SMCHD1: variants seen among roughly 807,000 people sequenced by gnomAD.
SMCHD1 encodes the protein structural maintenance of chromosomes flexible hinge domain-containing protein 1.
In SMCHD1, 78 loss-of-function variants were observed where a neutral mutation model predicts 254.7. The observed-to-expected ratio is 0.31, with a 90% CI of 0.26 to 0.37. The LOEUF is 0.37. Among genes scored for constraint, SMCHD1 ranks in the 10% least tolerant of loss-of-function variants. The pLI, the probability that SMCHD1 is intolerant of heterozygous loss-of-function variation, is 1.00. For missense variants in SMCHD1, 1,840 were observed against 2,408.1 expected (o/e 0.76, Z 4.94); for synonymous variants, 766 against 794.9 (o/e 0.96, Z 0.61).
In SMCHD1 at chr18:2,776,980, T is replaced by G. The variant is rs575417200; in HGVS notation, c.5367-826T>G. 7.9e-5 allele frequency among the ~76,000 whole-genome samples: 12 copies of G among 152,146 alleles called. No individual in the cohort carries two copies. The East Asian group carries it at 2.1e-3, about 27-fold the overall frequency. On this transcript the variant is annotated intron_variant, in intron 42 of 47. Coordinates refer to ENST00000320876, the MANE Select transcript of SMCHD1 (RefSeq NM_015295.3). ...ACTCACAGGCACAGTCATAGCTCACTGTAGCCTCAAACTTGTGGGCTCAAG... is the reference window on the plus strand; with the variant it reads ...ACTCACAGGCACAGTCATAGCTCACGGTAGCCTCAAACTTGTGGGCTCAAG...
intron 47 of SMCHD1, chr18:2,800,885 C>A (rs1428230232): frequency 6.6e-6 from 1 of 152,048 alleles, no homozygotes; most frequent in African/African-American, 2.4e-5. Flanking sequence ...GATTAAGTTC[C>A]AAAATCAACA....
At position 2,764,382 on chromosome 18, in the gene SMCHD1, C is replaced by A. The variant is rs540206197; in HGVS notation, c.4719+593C>A. ...AATAGAATTGTGCCTTTATAAAAAT[C>A]TTTTCTTGTTCAACATCTCTAATAT... On this transcript the variant is annotated intron_variant, in intron 37 of 47. Coordinates refer to ENST00000320876, the MANE Select transcript of SMCHD1 (RefSeq NM_015295.3). 5.3e-5 allele frequency among the ~76,000 whole-genome samples: 8 copies of A among 152,168 alleles called. 1 individual carries two copies. The South Asian group carries it at 8.3e-4, about 16-fold the overall frequency.
chr18:2,723,731 T>G (rs2074972376), intron 20 of SMCHD1, among the ~76,000 whole-genome samples: 1 of 152,162 alleles, frequency 6.6e-6, no homozygotes, highest in African/African-American at 2.4e-5. Flanking sequence ...TTTTAACCTT[T>G]TCAGAGATTC....
At chr18:2,755,311 T>C (rs2075651809) in intron 34 of SMCHD1, among the ~76,000 whole-genome samples, 1 of 152,060 alleles carries the variant, frequency 6.6e-6, no homozygotes. Flanking sequence ...TAGCTGGGAC[T>C]ATGGGCCCAC....
intron 34 of SMCHD1, among the ~76,000 whole-genome samples, chr18:2,754,005 T>A (rs754111468): frequency 8.5e-5 from 13 of 152,194 alleles, no homozygotes; most frequent in Non-Finnish European, 1.8e-4. Flanking sequence ...GTGCCTTTTT[T>A]GAGTATCTTA....
intron 17 of SMCHD1, among the ~76,000 whole-genome samples, chr18:2,709,608 TC>T (rs1168849612): frequency 6.6e-6 from 1 of 151,972 alleles, no homozygotes; most frequent in African/African-American, 2.4e-5. Flanking sequence ...TGTGGTTTTT[TC>T]CCCCCTTTTT....
chr18:2,705,794 T>C lies in SMCHD1; in HGVS notation c.1943T>C (p.Val648Ala). 1 of 1,589,668 alleles carries C rather than the reference T, an allele frequency of 6.3e-7. No individual in the cohort carries two copies. The highest frequency in any genetic ancestry group is 8.6e-7 in the Non-Finnish European group (1 of 1,163,086). ...GAAGTATATGCTACAGGAGGAGAGGTTCAAATTGCAATGGTAAGACAGCAA... is the reference window on the plus strand; with the variant it reads ...GAAGTATATGCTACAGGAGGAGAGGCTCAAATTGCAATGGTAAGACAGCAA... ...DGEVYATGGEVQIAMEPQALY... is the reference protein window; with the variant it reads ...DGEVYATGGEAQIAMEPQALY... Residue 648 changes from valine to alanine, a missense_variant, in exon 14 of 48, where the codon GTT (valine) becomes GCT (alanine). Val to Ala is a moderately conservative substitution (Grantham distance 64, BLOSUM62 0). This residue lies in a region of SMCHD1 where 498 missense variants were observed against 743.5 expected (regional missense o/e 0.67). Transcript: ENST00000320876.
At chr18:2,661,159 C>G (rs2073240933) in intron 1 of SMCHD1, among the ~76,000 whole-genome samples, 1 of 152,096 alleles carries the variant, frequency 6.6e-6, no homozygotes, top group African/African-American at 2.4e-5. Flanking sequence ...CGGGGAACAT[C>G]ACACACAGGG....
intron 37 of SMCHD1, chr18:2,764,063 G>A (rs948840318): frequency 3.8e-6 from 1 of 263,852 alleles, no homozygotes; most frequent in African/African-American, 2.2e-5. Flanking sequence ...ATGTTTCATT[G>A]AAAAGCTGCC....
At chr18:2,733,892 A>G (rs1289608812) in intron 25 of SMCHD1, among the ~76,000 whole-genome samples, 3 of 152,330 alleles carry the variant, frequency 2.0e-5, no homozygotes, top group East Asian at 3.9e-4. Context: ...GCATTCCTCC[A>G]TGTCTGGAGA....
chr18:2,777,535 T>C lies in SMCHD1; in HGVS notation c.5367-271T>C, dbSNP rs80138147. Among the ~76,000 whole-genome samples the C allele has an allele frequency of 2.6e-4, 40 of 152,340 alleles. 2 individuals are homozygous for C. The East Asian group carries it at 7.1e-3, about 27-fold the overall frequency. ...TGGAACAGAGGCTTCTTTTTTTCTT[T>C]CCTTGTCAAATGAAACTGTTATTTA... On this transcript the variant is annotated intron_variant, in intron 42 of 47. Coordinates refer to ENST00000320876, the MANE Select transcript of SMCHD1 (RefSeq NM_015295.3).
chr18:2,750,433 A>G lies in SMCHD1; in HGVS notation c.4091A>G (p.Asp1364Gly), dbSNP rs1419024915. 1 of 1,611,828 alleles carries G rather than the reference A, an allele frequency of 6.2e-7. No homozygotes were observed. Among genetic ancestry groups the G allele is most frequent in the Non-Finnish European group, 8.5e-7 (1 of 1,178,750 alleles). Residue 1364 changes from aspartate (D) to glycine (G), a missense_variant, in exon 32 of 48, where the codon GAC becomes GGC. Physicochemically the swap from Asp to Gly is moderately conservative, Grantham distance 94. Around this residue, in one of 9 missense-constraint regions of SMCHD1, gnomAD observed 881 missense variants for 1,009.5 expected, o/e 0.87. Coordinates refer to ENST00000320876, the MANE Select transcript of SMCHD1 (RefSeq NM_015295.3). ...GPIIKLMILP[D>G]PEKPVRLNVK... ...ATAATTAAGTTAATGATTCTTCCAG[A>G]CCCAGAAAAACCCGTTCGTCTCAAT...
At chr18:2,678,263 C>T (rs1441657500) in intron 5 of SMCHD1, among the ~76,000 whole-genome samples, 28 of 135,200 alleles carry the variant, frequency 2.1e-4, no homozygotes, top group Non-Finnish European at 3.5e-4. Flanking sequence ...TTCTCTCTCT[C>T]TCTCTCTCTC....
intron 42 of SMCHD1, among the ~76,000 whole-genome samples, chr18:2,777,065 C>CG (rs1568368174): frequency 1.4e-5 from 2 of 146,606 alleles, no homozygotes; most frequent in East Asian, 2.3e-4. Context: ...CACCACCTCC[C>CG]CCCCCCATAC....
intron 17 of SMCHD1, among the ~76,000 whole-genome samples, chr18:2,708,915 T>TAAA (rs2074598322): frequency 2.2e-5 from 2 of 90,464 alleles, no homozygotes; most frequent in African/African-American, 4.2e-5. Context: ...TATAACATAT[T>TAAA]AACATGAAAT....
rs74680128 is a variant in SMCHD1 at position 2,680,176 on chromosome 18, G to T, written c.638+6031G>T. Among the ~76,000 whole-genome samples the T allele has an allele frequency of 8.4e-3, 1,272 of 152,256 alleles. 22 individuals are homozygous for T. Among genetic ancestry groups the T allele is most frequent in the African/African-American group, 0.029 (1,209 of 41,534 alleles). ...AAATAGCCGAGCTTCTTCTGCCACAGTCTCTACCAACTGTTCTTTTTCCTG... is the reference window on the plus strand; with the variant it reads ...AAATAGCCGAGCTTCTTCTGCCACATTCTCTACCAACTGTTCTTTTTCCTG... On this transcript the variant is annotated intron_variant, in intron 5 of 47. Transcript: ENST00000320876.
intron 19 of SMCHD1, among the ~76,000 whole-genome samples, chr18:2,721,273 T>C (rs953762194): frequency 6.6e-5 from 10 of 152,284 alleles, no homozygotes; most frequent in African/African-American, 2.2e-4. Flanking sequence ...ATTACTCTCA[T>C]CTTTTTTCTT....
intron 5 of SMCHD1, among the ~76,000 whole-genome samples, chr18:2,688,033 C>T (rs1248411885): frequency 6.6e-6 from 1 of 152,200 alleles, no homozygotes; most frequent in Non-Finnish European, 1.5e-5. Flanking sequence ...TACCATTATT[C>T]TTCAGACAAT....
intron 45 of SMCHD1, among the ~76,000 whole-genome samples, chr18:2,791,890 A>G (rs1486104781): frequency 6.6e-6 from 1 of 152,148 alleles, no homozygotes; most frequent in Non-Finnish European, 1.5e-5. Context: ...GCTTAGTACT[A>G]ATTAGTGCAT....
Sources: allele counts gnomAD v4.1 joint callset (sites outside exome capture counted in the v4.1 genomes callset), GRCh38; gene constraint gnomAD v4.1.1; regional missense constraint gnomAD v4.1.1; transcripts MANE v1.5; gene names NCBI Gene and HGNC (gene_info 2026-07-23, HGNC 2026-07-21).